The following PCDHA5 variants were observed in gnomAD, a reference collection of about 807,000 sequenced individuals.
The protein encoded by PCDHA5 is protocadherin alpha 5, also known as protocadherin alpha-5.
PCDHA5 carries 43 observed loss-of-function variants against 61.6 expected under a neutral mutation model. The ratio of observed to expected loss-of-function variants is 0.70; its 90% CI spans 0.55 to 0.90. The LOEUF (loss-of-function observed/expected upper bound fraction) is 0.90, where lower values mean the gene tolerates loss of function less well. Among genes scored for constraint, PCDHA5 ranks in the 40% least tolerant of loss-of-function variants. The pLI, the probability that PCDHA5 is intolerant of heterozygous loss-of-function variation, is 0.00. For missense variants in PCDHA5, 1,298 were observed against 1,222.7 expected, an observed-to-expected ratio of 1.06 and a Z score of -0.92; for synonymous variants, 627 against 543.9, an observed-to-expected ratio of 1.15 and a Z score of -2.13.
At chr5:140,870,389 G>A (rs1262225558) in intron 1 of PCDHA5, 1 of 1,614,132 alleles carries the variant, frequency 6.2e-7, no homozygotes, top group Non-Finnish European at 8.5e-7. Context: ...GCGCGGGATG[G>A]GGGTTCGCCT....
Position 140,984,851 on chromosome 5 carries a change from A to G in PCDHA5, c.2500+2288A>G, listed in dbSNP as rs986424116. Among the ~76,000 whole-genome samples the G allele has an allele frequency of 2.6e-5, 4 of 152,200 alleles. No individual in the cohort carries two copies. In the South Asian group the frequency reaches 6.2e-4, roughly 24 times the overall value. ...TTTCTGTAAATTGGGTGTAGTAATA[A>G]TAATAACACCTATTTTATTGAGTTA... On this transcript the variant is annotated intron_variant, in intron 3 of 3. Coordinates refer to ENST00000529859, the MANE Select transcript of PCDHA5 (RefSeq NM_018908.3).
At chr5:140,895,904 C>T (rs956599707) in intron 1 of PCDHA5, among the ~76,000 whole-genome samples, 10 of 152,136 alleles carry the variant, frequency 6.6e-5, no homozygotes, top group South Asian at 2.1e-4. Flanking sequence ...CTCCGCGTCC[C>T]GGGCTCAACA....
intron 3 of PCDHA5, among the ~76,000 whole-genome samples, chr5:141,005,544 A>G (rs1197838847): frequency 6.6e-6 from 1 of 151,492 alleles, no homozygotes; most frequent in Non-Finnish European, 1.5e-5. Flanking sequence ...TCTACTAAAA[A>G]TACAAAAATT....
chr5:140,848,112 A>G, intron 1 of PCDHA5: 1 of 176,234 alleles, frequency 5.7e-6, no homozygotes, highest in South Asian at 1.5e-4. Context: ...GGATAAGAAA[A>G]CCACAATCAA....
At chr5:140,936,681 T>G (rs781812048) in intron 1 of PCDHA5, among the ~76,000 whole-genome samples, 3 of 152,246 alleles carry the variant, frequency 2.0e-5, no homozygotes, top group African/African-American at 2.4e-5. Flanking sequence ...CTATTCTGTT[T>G]CATTGGTCAA....
In PCDHA5 at chr5:140,829,595, C is replaced by T. The variant is rs147522996; in HGVS notation, c.2352+5468C>T. ...GCTGGTGGAGCGGCGGGTGGGCGAG[C>T]GCGCGTTGTCGAGCTACATTTCGGT... On this transcript the variant is annotated intron_variant, in intron 1 of 3. Coordinates refer to ENST00000529859, the MANE Select transcript of PCDHA5 (RefSeq NM_018908.3). The T allele has an allele frequency of 1.5e-4, 239 of 1,611,886 alleles. 1 individual carries two copies. In the African/African-American group the frequency reaches 2.9e-3, roughly 20 times the overall value.
rs1252148937 is a variant in PCDHA5 at position 141,009,582 on chromosome 5, G to T, written c.2501-45G>T. On this transcript the variant is annotated intron_variant, in intron 3 of 3. Coordinates refer to ENST00000529859, the MANE Select transcript of PCDHA5 (RefSeq NM_018908.3). ...CTCTACCAGCAGTGTGGCATCAAGA[G>T]CATGTGTTGACCCTGTTAATGATTT... 16 of 1,590,108 alleles carry T rather than the reference G, an allele frequency of 1.0e-5. No homozygotes were observed. In the African/African-American group the frequency reaches 2.0e-4, roughly 20 times the overall value.
chr5:140,862,630 C>T (rs138501125), intron 1 of PCDHA5: 7 of 535,352 alleles, frequency 1.3e-5, no homozygotes, highest in Non-Finnish European at 2.7e-5. Flanking sequence ...GCGGGGCTGC[C>T]ACGACTTCAC....
Position 140,850,119 on chromosome 5 carries a change from G to T in PCDHA5, c.2352+25992G>T, listed in dbSNP as rs2150468632. On this transcript the variant is annotated intron_variant, in intron 1 of 3. Coordinates refer to ENST00000529859, the MANE Select transcript of PCDHA5 (RefSeq NM_018908.3). ...CCAGGTGAGCGCGCGCGACGCGGGC[G>T]TGCCGCCTCTGGGCAGCAACGTGAC... is the stretch of plus-strand genomic sequence containing the variant. The T allele has an allele frequency of 1.1e-5, 17 of 1,596,076 alleles. No homozygotes were observed. The Admixed American group carries it at 1.9e-4, about 17-fold the overall frequency.
chr5:140,850,309 C>A, intron 1 of PCDHA5: 1 of 1,597,088 alleles, frequency 6.3e-7, no homozygotes, highest in Non-Finnish European at 8.6e-7. Context: ...GGCTACAACG[C>A]GTGGCTTTCA....
At chr5:140,850,483 C>A in intron 1 of PCDHA5, 2 of 1,598,100 alleles carry the variant, frequency 1.3e-6, no homozygotes, top group East Asian at 4.5e-5. Flanking sequence ...ACGGCCACGG[C>A]CACTGTGCTG....
rs1015706913 is a variant in PCDHA5, at chr5:140,985,292, T to C, written c.2500+2729T>C. 2.0e-5 allele frequency among the ~76,000 whole-genome samples: 3 copies of C among 152,294 alleles called. No homozygotes were observed. The East Asian group carries it at 5.8e-4, about 29-fold the overall frequency. ...TACTTTTCTGCAATCTATGATATAG[T>C]GTTGGCTGATAGCCTGGTGGCCAGA... On this transcript the variant is annotated intron_variant, in intron 3 of 3. Transcript: ENST00000529859.
At chr5:140,870,732 T>A (rs782731773) in intron 1 of PCDHA5, 10 of 1,613,288 alleles carry the variant, frequency 6.2e-6, no homozygotes, top group East Asian at 2.2e-5. Flanking sequence ...GCGTGCCGCC[T>A]CTGAGCAGCA....
rs782426631 is a variant in PCDHA5, at chr5:140,982,476, T to G, written c.2413T>G (p.Ser805Ala). The change falls in exon 3 of 4, where the codon TCT becomes GCT. Residue 805 changes from serine to alanine, a missense_variant and splice_region_variant. By Grantham distance (99) the Ser-to-Ala change is moderately conservative (BLOSUM62 1). Coordinates refer to ENST00000529859, the MANE Select transcript of PCDHA5 (RefSeq NM_018908.3). The part of the protein sequence containing the change: ...SASLRAGMHS[S>A]VHLEEAGILR... Reference sequence around the variant, plus strand: ...ATCTGGGTCTGTGTGTTTATTCAGCTCTGTGCACCTAGAGGAGGCTGGCAT... The same window carrying G: ...ATCTGGGTCTGTGTGTTTATTCAGCGCTGTGCACCTAGAGGAGGCTGGCAT... 9.3e-6 allele frequency: 15 copies of G among 1,614,064 alleles called. No individual in the cohort carries two copies. The African/African-American group carries it at 2.0e-4, about 22-fold the overall frequency.
chr5:140,897,199 A>G (rs760377746), intron 1 of PCDHA5, among the ~76,000 whole-genome samples: 1 of 152,030 alleles, frequency 6.6e-6, no homozygotes, highest in Admixed American at 6.6e-5. Flanking sequence ...TTTTTTTATT[A>G]TACTTTAAGT....
At position 140,822,228 on chromosome 5, in the gene PCDHA5, T is replaced by G; in HGVS notation, c.453T>G (p.Phe151Leu). ...AGTCAAGAATGCCAGATTCGCGGTTTCCGCTAGAGGGCGCGTCGGATTTGG... is the reference window on the plus strand; with the variant it reads ...AGTCAAGAATGCCAGATTCGCGGTTGCCGCTAGAGGGCGCGTCGGATTTGG... Reference protein sequence around the residue: ...ILESRMPDSRFPLEGASDLDI... With the variant: ...ILESRMPDSRLPLEGASDLDI... The change falls in exon 1 of 4, where the codon TTT becomes TTG. Residue 151 changes from phenylalanine (F) to leucine (L), a missense_variant. Physicochemically the swap from Phe to Leu is conservative, Grantham distance 22. Coordinates refer to ENST00000529859, the MANE Select transcript of PCDHA5 (RefSeq NM_018908.3). 2 of 1,614,254 alleles carry G rather than the reference T, an allele frequency of 1.2e-6. No individual in the cohort carries two copies. The highest frequency in any genetic ancestry group is 8.5e-7 in the Non-Finnish European group (1 of 1,180,042).
chr5:140,928,122 A>G (rs1554205517), intron 1 of PCDHA5: 14 of 1,614,078 alleles, frequency 8.7e-6, no homozygotes, highest in Non-Finnish European at 1.2e-5. Context: ...AGATCAGTGA[A>G]TACCAAGTCC....
intron 1 of PCDHA5, among the ~76,000 whole-genome samples, chr5:140,919,697 A>G (rs1395748776): frequency 1.3e-5 from 2 of 152,188 alleles, no homozygotes; most frequent in Non-Finnish European, 2.9e-5. Flanking sequence ...GATTTATATT[A>G]ACTTAATTCT....
intron 1 of PCDHA5, chr5:140,869,217 G>A: frequency 1.2e-6 from 2 of 1,613,842 alleles, no homozygotes; most frequent in South Asian, 1.1e-5. Context: ...TCTCGGAGGA[G>A]GCCAAACACG....
Sources: gnomAD v4.1 joint callset for allele counts (sites outside exome capture counted in the v4.1 genomes callset) on GRCh38, gnomAD v4.1.1 for gene constraint, MANE v1.5 for transcripts, NCBI Gene and HGNC (gene_info 2026-07-23, HGNC 2026-07-21) for gene names.